RFTN1: variants seen among roughly 807,000 people sequenced by gnomAD.
RFTN1 encodes the protein raftlin.
A neutral mutation model predicts 46.5 loss-of-function variants in RFTN1; 26 were observed. The observed-to-expected ratio is 0.56, with a 90% CI of 0.41 to 0.78. The LOEUF is 0.78. RFTN1 is among the 30% of genes least tolerant of loss of function. The pLI, the probability that RFTN1 is intolerant of heterozygous loss-of-function variation, is 0.00. For missense variants in RFTN1, 693 were observed against 718.7 expected, an observed-to-expected ratio of 0.96 and a Z score of 0.41; for synonymous variants, 261 against 284.2, an observed-to-expected ratio of 0.92 and a Z score of 0.82.
rs1054441571 is a variant in RFTN1, at chr3:16,352,321, G to A, written c.1146+5611C>T. 6.6e-6 allele frequency among the ~76,000 whole-genome samples: 1 copy of A among 152,186 alleles called. No homozygotes were observed. The highest frequency in any genetic ancestry group is 1.5e-5 in the Non-Finnish European group (1 of 68,034). On this transcript the variant is annotated intron_variant, in intron 7 of 9. Coordinates refer to ENST00000334133, the MANE Select transcript of RFTN1 (RefSeq NM_015150.2). This position sits in a 1 kb window ranked among gnomAD's most constrained non-coding sequence, Gnocchi z 4.6. ...TGGTGGTGTCTATAAGCTCTGATGG[G>A]CTGTCAGGCTCAAAGATAAACAGAT...
rs1379654600 is a variant in RFTN1 at position 16,402,290 on chromosome 3, GA to G, written c.441+7084del. ...ACTCGACGCTTATGTATTAAGTCCT[GA>G]AGACACAACAGTAAGCAGGGTACCC... On this transcript the variant is annotated intron_variant, in intron 4 of 9. Coordinates refer to ENST00000334133, the MANE Select transcript of RFTN1 (RefSeq NM_015150.2). The surrounding 1 kb of genome is among the most constrained non-coding windows in gnomAD (Gnocchi z 4.5). 6.6e-6 allele frequency among the ~76,000 whole-genome samples: 1 copy of G among 152,126 alleles called. No individual in the cohort carries two copies. Among genetic ancestry groups the G allele is most frequent in the African/African-American group, 2.4e-5 (1 of 41,414 alleles).
intron 6 of RFTN1, among the ~76,000 whole-genome samples, 184 bp downstream of exon 6, chr3:16,369,885 AGGTTTTG>A (rs2073422529): frequency 6.6e-6 from 1 of 152,166 alleles, no homozygotes; most frequent in Non-Finnish European, 1.5e-5. Context: ...ACTCGTAGAG[AGGTTTTG>A]AGAGCACAGG....
intron 1 of RFTN1, among the ~76,000 whole-genome samples, chr3:16,495,814 T>C (rs1187427837): frequency 1.3e-5 from 2 of 152,228 alleles, no homozygotes; most frequent in African/African-American, 2.4e-5. Context: ...GTCCCAGCCA[T>C]GTCTTACTGA....
intron 7 of RFTN1, among the ~76,000 whole-genome samples, chr3:16,330,864 T>C (rs898093029): frequency 6.6e-6 from 1 of 152,242 alleles, no homozygotes; most frequent in Non-Finnish European, 1.5e-5. Context: ...TTAAAAGATC[T>C]TCTATGCAGA....
intron 6 of RFTN1, among the ~76,000 whole-genome samples, chr3:16,362,094 C>T (rs892426819): frequency 2.6e-5 from 4 of 152,200 alleles, no homozygotes; most frequent in Admixed American, 2.0e-4. Flanking sequence ...TAGCTTGGGT[C>T]CTCATTCCAG....
chr3:16,416,563 A>C (rs2075084283), intron 3 of RFTN1, among the ~76,000 whole-genome samples: 1 of 152,180 alleles, frequency 6.6e-6, no homozygotes, highest in South Asian at 2.1e-4. Context: ...GCATATGAGA[A>C]TTCTCTGGAA....
intron 1 of RFTN1, among the ~76,000 whole-genome samples, chr3:16,503,731 A>G (rs919171666): frequency 9.9e-5 from 15 of 152,206 alleles, no homozygotes; most frequent in Admixed American, 8.5e-4. Context: ...ACCCCTTCCC[A>G]GTCTCCTCTG....
chr3:16,353,251 G>A lies in RFTN1; in HGVS notation c.1146+4681C>T, dbSNP rs2072215298. On this transcript the variant is annotated intron_variant, in intron 7 of 9. Coordinates refer to ENST00000334133, the MANE Select transcript of RFTN1 (RefSeq NM_015150.2). This position sits in a 1 kb window ranked among gnomAD's most constrained non-coding sequence, Gnocchi z 5.4. Reference sequence around the variant, plus strand: ...ATCTTTCCCAGAGGCCAAAAGGGTGGGGAAAAGAAGTAGCTGGGTCTCAAG... The same window carrying A: ...ATCTTTCCCAGAGGCCAAAAGGGTGAGGAAAAGAAGTAGCTGGGTCTCAAG... Among the ~76,000 whole-genome samples, 2 of 152,164 alleles carry A rather than the reference G, an allele frequency of 1.3e-5. No homozygotes were observed.
At chr3:16,441,681 T>A (rs2075627093) in intron 2 of RFTN1, among the ~76,000 whole-genome samples, 1 of 152,224 alleles carries the variant, frequency 6.6e-6, no homozygotes, top group Non-Finnish European at 1.5e-5. Context: ...TTAACCTAAT[T>A]ATTCAAAGTC....
chr3:16,439,536 T>C (rs2075581397), intron 2 of RFTN1, among the ~76,000 whole-genome samples: 1 of 152,238 alleles, frequency 6.6e-6, no homozygotes, highest in African/African-American at 2.4e-5. Context: ...ATAATTTTAT[T>C]ATTTCAATTT....
intron 9 of RFTN1, 33 bp downstream of exon 9, chr3:16,323,343 G>C: frequency 6.6e-7 from 1 of 1,506,774 alleles, no homozygotes; most frequent in South Asian, 1.1e-5. Context: ...GCCCTGCTGA[G>C]GAAAACCTAG....
At chr3:16,482,962 G>C in intron 2 of RFTN1, 1 of 732,390 alleles carries the variant, frequency 1.4e-6, no homozygotes, top group Non-Finnish European at 2.2e-6. Context: ...GCAGTATCAA[G>C]GGCTGCTTAG....
In RFTN1 at chr3:16,481,528, A is replaced by C. The variant is rs1222992871; in HGVS notation, c.145+12197T>G. 6.6e-6 allele frequency among the ~76,000 whole-genome samples: 1 copy of C among 152,192 alleles called. No homozygotes were observed. The highest frequency in any genetic ancestry group is 1.5e-5 in the Non-Finnish European group (1 of 68,034). On this transcript the variant is annotated intron_variant, in intron 2 of 9. Transcript: ENST00000334133. The surrounding 1 kb of genome is among the most constrained non-coding windows in gnomAD (Gnocchi z 5.1). ...TCAAAAACAAAAACCAACTCTTAGC[A>C]ATTATAGAAACCGGAAACAAAAATG...
At chr3:16,343,637 T>C (rs1202070768) in intron 7 of RFTN1, among the ~76,000 whole-genome samples, 1 of 152,262 alleles carries the variant, frequency 6.6e-6, no homozygotes, top group East Asian at 1.9e-4. Context: ...TTCATGCATG[T>C]GTTTTCATAA....
chr3:16,331,612 G>A (rs1575005748), intron 7 of RFTN1, among the ~76,000 whole-genome samples: 2 of 152,092 alleles, frequency 1.3e-5, no homozygotes, highest in Middle Eastern at 3.4e-3. Flanking sequence ...CCTATTTAAT[G>A]CTCATCGATA....
chr3:16,371,179 T>A (rs2073483167), intron 5 of RFTN1, among the ~76,000 whole-genome samples: 1 of 152,230 alleles, frequency 6.6e-6, no homozygotes. Flanking sequence ...AAATATCTTC[T>A]TAAATCATAA....
At chr3:16,471,876 G>T (rs2076202117) in intron 2 of RFTN1, 1 of 152,098 alleles carries the variant, frequency 6.6e-6, no homozygotes, top group Non-Finnish European at 1.5e-5. Flanking sequence ...CTTTTTAAAA[G>T]GTGACCCTGA....
intron 3 of RFTN1, among the ~76,000 whole-genome samples, chr3:16,430,343 C>T (rs1455137503): frequency 6.6e-6 from 1 of 152,182 alleles, no homozygotes. Context: ...AACTTCTGAG[C>T]TCAAGAGAAT....
chr3:16,464,367 G>C (rs2076054623), intron 2 of RFTN1, among the ~76,000 whole-genome samples: 2 of 152,118 alleles, frequency 1.3e-5, no homozygotes, highest in Admixed American at 6.5e-5. Flanking sequence ...TCTTCTTCTT[G>C]ATATTTTAGC....
Sources: gnomAD v4.1 joint callset for allele counts (sites outside exome capture counted in the v4.1 genomes callset) on GRCh38, gnomAD v4.1.1 for gene constraint, Gnocchi (gnomAD v3.1) non-coding constraint, MANE v1.5 for transcripts, NCBI Gene and HGNC (gene_info 2026-07-23, HGNC 2026-07-21) for gene names.